Variants in PDGFA observed in about 807,000 individuals in gnomAD.
PDGFA encodes the protein platelet derived growth factor subunit A.
A neutral mutation model predicts 25.6 loss-of-function variants in PDGFA; 9 were observed. The observed-to-expected ratio is 0.35, with a 90% CI of 0.21 to 0.61. The LOEUF (loss-of-function observed/expected upper bound fraction) is 0.61. Ranked by LOEUF, PDGFA falls within the 20% of genes least tolerant of loss-of-function variation. The pLI is 0.75. For synonymous variants in PDGFA, 133 were observed against 111.8 expected, an observed-to-expected ratio of 1.19 and a Z score of -1.20; for missense variants, 242 against 272.8, an observed-to-expected ratio of 0.89 and a Z score of 0.79.
At chr7:512,596 C>T (rs1250539373) in intron 2 of PDGFA, 141 bp from the exon 3 acceptor site, 5 of 1,544,776 alleles carry the variant, frequency 3.2e-6, no homozygotes, top group Non-Finnish European at 4.4e-6. Flanking sequence ...ACAGCTCCCG[C>T]CATTAGGGGC....
At chr7:513,099 G>A (rs533524196) in intron 2 of PDGFA, 3 of 160,118 alleles carry the variant, frequency 1.9e-5, no homozygotes, top group Admixed American at 1.1e-4. Context: ...AGAGGCAGGA[G>A]GGCACGTGGC....
At chr7:501,025 C>T (rs779872506) in intron 5 of PDGFA, 91 bp downstream of exon 5, 8 of 1,610,294 alleles carry the variant, frequency 5.0e-6, no homozygotes, top group Non-Finnish European at 6.8e-6. Flanking sequence ...CAGCAGTAAG[C>T]GTTGCGCTCA....
intron 2 of PDGFA, among the ~76,000 whole-genome samples, chr7:516,334 A>G (rs1270381327): frequency 6.6e-6 from 1 of 151,740 alleles, no homozygotes; most frequent in African/African-American, 2.4e-5. Context: ...CTCCACCACC[A>G]TAATTAGGTA....
At chr7:513,768 G>A (rs113151481) in intron 2 of PDGFA, among the ~76,000 whole-genome samples, 16 of 152,200 alleles carry the variant, frequency 1.1e-4, no homozygotes, top group African/African-American at 3.1e-4. Flanking sequence ...AGCTTCCTCC[G>A]CACCCCCGAG....
chr7:506,883 C>CCTCTGAATGT (rs1386821342), intron 4 of PDGFA, among the ~76,000 whole-genome samples: 3 of 152,210 alleles, frequency 2.0e-5, no homozygotes, highest in African/African-American at 7.2e-5. Context: ...TAACAAGAGA[C>CCTCTGAATGT]CTCTGAATGT....
In PDGFA at chr7:500,964, T is replaced by C. The variant is rs1782308524; in HGVS notation, c.580+152A>G. On this transcript the variant is annotated intron_variant, in intron 5 of 5. Transcript: ENST00000402802. The surrounding 1 kb of genome is among the most constrained non-coding windows in gnomAD (Gnocchi z 5.0). ...GTGGGATCCGTCTCCCCCGCAGGCA[T>C]CTGGCCCGGGAGCAGGGCAACGAAT... The C allele has an allele frequency of 6.3e-7, 1 of 1,597,388 alleles. No homozygotes were observed.
chr7:508,252 C>T (rs1208713421), intron 4 of PDGFA, among the ~76,000 whole-genome samples: 1 of 152,026 alleles, frequency 6.6e-6, no homozygotes, highest in Non-Finnish European at 1.5e-5. Flanking sequence ...AGAATGGTTA[C>T]TAATGTAGCC....
chr7:497,938 G>GAAAAAA (rs1562481475), exon 6 of PDGFA: 1 of 12,782 alleles, frequency 7.8e-5, no homozygotes, highest in Admixed American at 1.2e-3. Context: ...ACTTTATGGT[G>GAAAAAA]TAAAAAAAAA....
intron 3 of PDGFA, among the ~76,000 whole-genome samples, chr7:511,618 G>A (rs1216559662): frequency 6.6e-6 from 1 of 152,176 alleles, no homozygotes; most frequent in East Asian, 1.9e-4. Flanking sequence ...CTTCATGGAG[G>A]AAACCACAGC....
intron 4 of PDGFA, among the ~76,000 whole-genome samples, chr7:502,620 G>A (rs1389056575): frequency 6.6e-6 from 1 of 152,314 alleles, no homozygotes; most frequent in Admixed American, 6.5e-5. Flanking sequence ...CTGTCTGCGA[G>A]CCACGCCTGC....
At chr7:511,607 T>A (rs971530099) in intron 3 of PDGFA, among the ~76,000 whole-genome samples, 1 of 152,054 alleles carries the variant, frequency 6.6e-6, no homozygotes, top group Admixed American at 6.5e-5. Context: ...ACAAAATCCA[T>A]CTTCATGGAG....
At chr7:509,305 T>A (rs1026726236) in intron 4 of PDGFA, among the ~76,000 whole-genome samples, 1 of 152,184 alleles carries the variant, frequency 6.6e-6, no homozygotes, top group Admixed American at 6.5e-5. Context: ...CTCTTTTTTT[T>A]CTTAGAGACG....
chr7:502,161 G>A (rs1281722308), intron 4 of PDGFA, among the ~76,000 whole-genome samples: 1 of 152,248 alleles, frequency 6.6e-6, no homozygotes, highest in South Asian at 2.1e-4. Context: ...GTTTGAGGCT[G>A]CAGTGAGCTG....
chr7:514,323 C>T (rs1447755410), intron 2 of PDGFA, among the ~76,000 whole-genome samples: 1 of 152,196 alleles, frequency 6.6e-6, no homozygotes, highest in Non-Finnish European at 1.5e-5. Flanking sequence ...GCTTAATAAA[C>T]AGAGAAGACG....
chr7:498,768 T>C (rs142513581), intron 5 of PDGFA, among the ~76,000 whole-genome samples, 194 bp from the exon 6 acceptor site: 175 of 152,322 alleles, frequency 1.1e-3, no homozygotes, highest in African/African-American at 3.9e-3. Context: ...CTGACAGGAA[T>C]TGGGATTAGG....
intron 4 of PDGFA, 52 bp downstream of exon 4, chr7:510,757 G>C: frequency 1.9e-6 from 1 of 534,340 alleles, no homozygotes; most frequent in Non-Finnish European, 3.1e-6. Context: ...AGGAGGGGAG[G>C]GGAGAGGAGA....
exon 4 of PDGFA, chr7:510,961 C>T: frequency 1.2e-6 from 2 of 1,612,834 alleles, no homozygotes; most frequent in Non-Finnish European, 1.7e-6. Context: ...TCGTAAATGA[C>T]CGTCCTGGTC....
chr7:519,646 G>C (rs1380643884), upstream of PDGFA, among the ~76,000 whole-genome samples: 2 of 145,604 alleles, frequency 1.4e-5, no homozygotes, highest in Admixed American at 1.4e-4. Context: ...CCGCTCGCCG[G>C]GGCCGGGCAG....
At chr7:516,912 C>T (rs995508228) in intron 2 of PDGFA, among the ~76,000 whole-genome samples, 2 of 152,196 alleles carry the variant, frequency 1.3e-5, no homozygotes, top group Admixed American at 6.5e-5. Context: ...GCGGCACCAG[C>T]TCGCAGGGAT....
Sources: gnomAD v4.1 joint callset for allele counts (sites outside exome capture counted in the v4.1 genomes callset) on GRCh38, gnomAD v4.1.1 for gene constraint, Gnocchi (gnomAD v3.1) non-coding constraint, MANE v1.5 for transcripts, NCBI Gene and HGNC (gene_info 2026-07-23, HGNC 2026-07-21) for gene names.